MELK: variants seen among roughly 807,000 people sequenced by gnomAD.
MELK encodes pEg3 kinase.
In MELK, 81 loss-of-function variants were observed where a neutral mutation model predicts 85.0. The ratio of observed to expected loss-of-function variants is 0.95; its 90% CI spans 0.80 to 1.15. MELK has a LOEUF of 1.15. Ranked by LOEUF, MELK falls within the 50% of genes most tolerant of loss-of-function variation. MELK has a pLI of 0.00. For missense variants in MELK, 754 were observed against 777.5 expected (o/e 0.97, Z 0.36); for synonymous variants, 252 against 265.0 (o/e 0.95, Z 0.48).
At chr9:36,644,247 GTGTGTT>G (rs1424852555) in intron 11 of MELK, among the ~76,000 whole-genome samples, 2 of 105,540 alleles carry the variant, frequency 1.9e-5, no homozygotes, top group Non-Finnish European at 4.2e-5. Context: ...GTGTGTGTGT[GTGTGTT>G]TTAAGAGATC....
At chr9:36,658,039 C>A (rs1332179668) in intron 13 of MELK, among the ~76,000 whole-genome samples, 1 of 151,774 alleles carries the variant, frequency 6.6e-6, no homozygotes, top group Non-Finnish European at 1.5e-5. Context: ...TTCCGTTACT[C>A]CTCAAAATTC....
chr9:36,601,468 ATGT>A (rs1252954010), intron 7 of MELK, among the ~76,000 whole-genome samples: 1 of 152,186 alleles, frequency 6.6e-6, no homozygotes, highest in African/African-American at 2.4e-5. Context: ...CACAAAAATG[ATGT>A]TGTAGCCTTC....
chr9:36,630,062 C>G (rs1828373587), intron 8 of MELK: 1 of 423,384 alleles, frequency 2.4e-6, no homozygotes. Context: ...CCAGGCTGGT[C>G]TTGAACTCCT....
chr9:36,573,912 A>G (rs1449791855), intron 1 of MELK, among the ~76,000 whole-genome samples: 1 of 152,080 alleles, frequency 6.6e-6, no homozygotes, highest in Non-Finnish European at 1.5e-5. Flanking sequence ...GGGTAGACTC[A>G]GGGAAGGCTG....
chr9:36,587,068 C>G (rs1478177790), intron 3 of MELK, among the ~76,000 whole-genome samples: 1 of 152,032 alleles, frequency 6.6e-6, no homozygotes, highest in Non-Finnish European at 1.5e-5. Flanking sequence ...CCAGGATGGT[C>G]TCGATCTCCT....
At chr9:36,615,910 A>T (rs1165361098) in intron 8 of MELK, among the ~76,000 whole-genome samples, 2 of 147,612 alleles carry the variant, frequency 1.4e-5, no homozygotes, top group Non-Finnish European at 3.0e-5. Flanking sequence ...ATCCCAGACG[A>T]TGGGCAGCCA....
intron 7 of MELK, among the ~76,000 whole-genome samples, chr9:36,605,367 C>A (rs1039455672): frequency 3.3e-5 from 5 of 151,976 alleles, no homozygotes; most frequent in African/African-American, 1.2e-4. Flanking sequence ...CACTACCACA[C>A]CCGGCCAAAT....
intron 8 of MELK, among the ~76,000 whole-genome samples, chr9:36,622,413 A>T (rs944837815): frequency 6.6e-5 from 10 of 152,176 alleles, no homozygotes; most frequent in African/African-American, 2.4e-4. Context: ...ACCCAGCAAT[A>T]TTTGACGCAC....
intron 10 of MELK, among the ~76,000 whole-genome samples, chr9:36,638,474 G>A (rs1273032896): frequency 1.3e-5 from 2 of 151,896 alleles, no homozygotes; most frequent in Non-Finnish European, 2.9e-5. Flanking sequence ...TAGTAGAGAC[G>A]GGGTTTATCC....
chr9:36,621,275 G>GAAAAAAAAAAAAAAAAAAA (rs74181196), intron 8 of MELK, among the ~76,000 whole-genome samples: 8 of 32,448 alleles, frequency 2.5e-4, no homozygotes, highest in South Asian at 9.2e-4. Flanking sequence ...CTGTCTCAGG[G>GAAAAAAAAAAAAAAAAAAA]AAAAAAAAAA....
chr9:36,622,301 A>G (rs1428688576), intron 8 of MELK, among the ~76,000 whole-genome samples: 1 of 152,200 alleles, frequency 6.6e-6, no homozygotes, highest in Non-Finnish European at 1.5e-5. Context: ...AATCTAATTA[A>G]GGTGTCGTAT....
chr9:36,657,070 G>C (rs1291771888), intron 12 of MELK, among the ~76,000 whole-genome samples, 171 bp from the exon 13 acceptor site: 2 of 152,230 alleles, frequency 1.3e-5, no homozygotes, highest in Non-Finnish European at 2.9e-5. Flanking sequence ...GTGTGTAGTA[G>C]GCTCTGACGT....
intron 12 of MELK, among the ~76,000 whole-genome samples, chr9:36,652,695 A>G (rs542104043): frequency 7.0e-6 from 1 of 141,852 alleles, no homozygotes; most frequent in South Asian, 2.3e-4. Context: ...GCGCCATTGC[A>G]CTCCAGCCTG....
intron 16 of MELK, 142 bp downstream of exon 16, chr9:36,671,308 C>G (rs970760122): frequency 3.2e-6 from 3 of 946,060 alleles, no homozygotes; most frequent in African/African-American, 3.4e-5. Flanking sequence ...TTTTGAGCAA[C>G]TAAAATCTGC....
At chr9:36,589,222 C>A (rs1823271378) in intron 3 of MELK, among the ~76,000 whole-genome samples, 1 of 151,876 alleles carries the variant, frequency 6.6e-6, no homozygotes, top group South Asian at 2.1e-4. Flanking sequence ...AATCTCGGCT[C>A]ACTCCAAGCT....
chr9:36,676,096 G>C lies in MELK; in HGVS notation c.1779-1064G>C, dbSNP rs149010054. Among the ~76,000 whole-genome samples, 165 of 152,176 alleles carry C rather than the reference G, an allele frequency of 1.1e-3. 1 individual carries two copies. Among genetic ancestry groups the C allele is most frequent in the Non-Finnish European group, 2.2e-3 (148 of 68,010 alleles). On this transcript the variant is annotated intron_variant, in intron 17 of 17. Coordinates refer to ENST00000298048, the MANE Select transcript of MELK (RefSeq NM_014791.4). The stretch of plus-strand genomic sequence containing the variant: ...CTATTATCTAACATGTGACTAAATT[G>C]TTCTATGCCTCATCTTCTTGTCAAG...
chr9:36,606,321 G>T (rs1479669141), intron 7 of MELK, among the ~76,000 whole-genome samples: 2 of 146,020 alleles, frequency 1.4e-5, no homozygotes, highest in Non-Finnish European at 3.0e-5. Flanking sequence ...ATGTATAGGT[G>T]TGTATATAAT....
chr9:36,632,658 AAAATTAC>A (rs1828754646), intron 9 of MELK, among the ~76,000 whole-genome samples: 1 of 152,236 alleles, frequency 6.6e-6, no homozygotes, highest in Non-Finnish European at 1.5e-5. Context: ...CTTACATTTG[AAAATTAC>A]AAATGGAAAG....
At chr9:36,584,262 C>T (rs1822597078) in intron 3 of MELK, among the ~76,000 whole-genome samples, 1 of 151,220 alleles carries the variant, frequency 6.6e-6, no homozygotes, top group African/African-American at 2.4e-5. Flanking sequence ...GCCTCGGCCT[C>T]CCAAAGTGCT....
Sources: gnomAD v4.1 joint callset for allele counts (sites outside exome capture counted in the v4.1 genomes callset) on GRCh38, gnomAD v4.1.1 for gene constraint, MANE v1.5 for transcripts, NCBI Gene and HGNC (gene_info 2026-07-23, HGNC 2026-07-21) for gene names.